Variants in SCN11A observed in about 807,000 individuals in gnomAD.
SCN11A encodes sodium channel protein type 11 subunit alpha.
SCN11A carries 122 observed loss-of-function variants against 162.2 expected under a neutral mutation model. That is an observed-to-expected ratio of 0.75 (90% CI 0.65 to 0.87). The LOEUF is 0.87. SCN11A is among the 40% of genes least tolerant of loss of function. The pLI is 0.00. For missense variants in SCN11A, 2,015 were observed against 2,181.6 expected (o/e 0.92, Z 1.52); for synonymous variants, 758 against 751.5 (o/e 1.01, Z -0.14).
At chr3:38,866,470 T>G (rs532898269) in intron 27 of SCN11A, among the ~76,000 whole-genome samples, 1 of 152,320 alleles carries the variant, frequency 6.6e-6, no homozygotes, top group African/African-American at 2.4e-5. Context: ...TTTCCCCGCC[T>G]TGGCCTCCCA....
intron 9 of SCN11A, among the ~76,000 whole-genome samples, chr3:38,924,340 T>G (rs1304466053): frequency 6.6e-6 from 1 of 151,494 alleles, no homozygotes; most frequent in Non-Finnish European, 1.5e-5. Flanking sequence ...GCTTCTCGAG[T>G]AGCTGAGATT....
At chr3:38,914,502 T>C (rs1236620090) in intron 11 of SCN11A, among the ~76,000 whole-genome samples, 8 of 152,226 alleles carry the variant, frequency 5.3e-5, no homozygotes, top group Non-Finnish European at 1.5e-5. Flanking sequence ...CTGATTGCTC[T>C]GTCCAGGACT....
At chr3:39,023,993 T>C (rs1387344514) in intron 2 of SCN11A, among the ~76,000 whole-genome samples, 2 of 152,156 alleles carry the variant, frequency 1.3e-5, no homozygotes, top group Non-Finnish European at 2.9e-5. Context: ...TCACCAGTTT[T>C]TTCTGTCTCC....
At chr3:38,872,353 A>AT in intron 23 of SCN11A, 59 bp from the exon 24 acceptor site, 1 of 896,612 alleles carries the variant, frequency 1.1e-6, no homozygotes, top group Non-Finnish European at 1.9e-6. Flanking sequence ...TGGAAAGTCC[A>AT]TTTTTCTCCT....
chr3:38,860,944 T>C (rs2064953587), intron 28 of SCN11A, among the ~76,000 whole-genome samples: 1 of 152,016 alleles, frequency 6.6e-6, no homozygotes, highest in Non-Finnish European at 1.5e-5. Flanking sequence ...AAAGAGGAAG[T>C]CAAACTATTG....
intron 18 of SCN11A, among the ~76,000 whole-genome samples, chr3:38,895,981 C>A (rs58284685): frequency 0.027 from 4,085 of 152,230 alleles, 167 homozygotes; most frequent in African/African-American, 0.091. Context: ...AGATCTTGTG[C>A]AGTAAGGCAA....
chr3:39,037,622 C>T (rs921287907), intron 1 of SCN11A, among the ~76,000 whole-genome samples: 4 of 151,860 alleles, frequency 2.6e-5, no homozygotes, highest in Non-Finnish European at 4.4e-5. Context: ...TACTATATAC[C>T]TATAAAATTA....
chr3:38,894,955 G>A lies in SCN11A; in HGVS notation c.2413C>T (p.Leu805Phe), dbSNP rs762472453. Reference protein sequence around the residue: ...TVIGKLVVLNLFIALLLNSFS... With the variant: ...TVIGKLVVLNFFIALLLNSFS... Reference sequence around the variant, plus strand: ...GAATTGAGCAGTAAGGCAATGAAGAGGTTGAGCACCTGGGAATGGGGTGGG... The same window carrying A: ...GAATTGAGCAGTAAGGCAATGAAGAAGTTGAGCACCTGGGAATGGGGTGGG... The change falls in exon 19 of 30, where the codon CTC becomes TTC. Residue 805 changes from leucine (L) to phenylalanine (F), a missense_variant. Leu to Phe is a conservative substitution (Grantham distance 22, BLOSUM62 0). Transcript: ENST00000302328. The A allele has an allele frequency of 2.6e-5, 41 of 1,601,602 alleles. No homozygotes were observed. Among genetic ancestry groups the A allele is most frequent in the Non-Finnish European group, 3.2e-5 (37 of 1,171,682 alleles).
At position 38,879,932 on chromosome 3, in the gene SCN11A, C is replaced by A; in HGVS notation, c.3393+18G>T. The A allele has an allele frequency of 6.2e-7, 1 of 1,607,486 alleles. No individual in the cohort carries two copies. Among genetic ancestry groups the A allele is most frequent in the South Asian group, 1.1e-5 (1 of 90,232 alleles). Reference sequence around the variant, plus strand: ...CCACTACCCCAGCCTGTGTGGGACACAGAGATGGTAAACTTACAATCACAA... The same window carrying A: ...CCACTACCCCAGCCTGTGTGGGACAAAGAGATGGTAAACTTACAATCACAA... On this transcript the variant is annotated intron_variant, in intron 23 of 29. Coordinates refer to ENST00000302328, the MANE Select transcript of SCN11A (RefSeq NM_001349253.2).
chr3:38,895,045 C>T (rs2065573739), intron 18 of SCN11A, 81 bp from the exon 19 acceptor site: 1 of 1,299,810 alleles, frequency 7.7e-7, no homozygotes, highest in East Asian at 2.4e-5. Flanking sequence ...CAACTTTTCC[C>T]CAAGACTAAA....
rs765456456 is a variant in SCN11A at position 38,871,423 on chromosome 3, A to G, written c.3759+22T>C. On this transcript the variant is annotated intron_variant, in intron 25 of 29. Coordinates refer to ENST00000302328, the MANE Select transcript of SCN11A (RefSeq NM_001349253.2). ...CTGAAGGTTTTTCTCCTCAGAGTGAAAAACATACTGACTGTACTTACCACT... is the reference window on the plus strand; with the variant it reads ...CTGAAGGTTTTTCTCCTCAGAGTGAGAAACATACTGACTGTACTTACCACT... 2.6e-6 allele frequency: 4 copies of G among 1,555,920 alleles called. No individual in the cohort carries two copies. The Admixed American group carries it at 8.2e-5, about 32-fold the overall frequency.
chr3:39,026,548 C>T (rs188146234), intron 2 of SCN11A, among the ~76,000 whole-genome samples: 13 of 151,294 alleles, frequency 8.6e-5, no homozygotes, highest in Non-Finnish European at 1.0e-4. Context: ...CAGGGCCAGA[C>T]AGAAGTTAAA....
At chr3:38,986,070 G>A (rs2030230192) in intron 2 of SCN11A, among the ~76,000 whole-genome samples, 1 of 151,108 alleles carries the variant, frequency 6.6e-6, no homozygotes, top group Admixed American at 6.6e-5. Context: ...TAAGGCAAAA[G>A]CCACAATGTC....
intron 5 of SCN11A, among the ~76,000 whole-genome samples, 199 bp from the exon 6 acceptor site, chr3:38,947,106 G>A (rs564525063): frequency 7.6e-4 from 116 of 152,278 alleles, no homozygotes; most frequent in Middle Eastern, 6.8e-3. Flanking sequence ...CCAAAATTAG[G>A]AGTATAGAGG....
intron 28 of SCN11A, among the ~76,000 whole-genome samples, chr3:38,854,769 A>C (rs970901325): frequency 1.3e-5 from 2 of 152,232 alleles, no homozygotes; most frequent in Admixed American, 1.3e-4. Context: ...CCTTACCTAG[A>C]GCTGAAATGA....
chr3:38,880,210 A>G, intron 22 of SCN11A, 87 bp from the exon 23 acceptor site: 4 of 954,456 alleles, frequency 4.2e-6, no homozygotes, highest in Non-Finnish European at 3.1e-6. Context: ...TCTTCCTTAT[A>G]TGAATAAAAA....
chr3:38,982,058 GACAA>G (rs1412986316), intron 2 of SCN11A, among the ~76,000 whole-genome samples: 1 of 151,620 alleles, frequency 6.6e-6, no homozygotes, highest in African/African-American at 2.4e-5. Flanking sequence ...AACAAAAACA[GACAA>G]ACAAAACCAC....
At chr3:38,884,671 A>G (rs571285702) in intron 21 of SCN11A, among the ~76,000 whole-genome samples, 32 of 152,210 alleles carry the variant, frequency 2.1e-4, no homozygotes, top group Non-Finnish European at 3.4e-4. Context: ...CCTATAGGAA[A>G]AAGCCACTAT....
intron 2 of SCN11A, among the ~76,000 whole-genome samples, chr3:39,003,486 G>A (rs1395941056): frequency 1.3e-5 from 2 of 152,182 alleles, no homozygotes; most frequent in African/African-American, 4.8e-5. Context: ...GTGCTGCAAT[G>A]AACATCTGCA....
Sources: allele counts gnomAD v4.1 joint callset (sites outside exome capture counted in the v4.1 genomes callset), GRCh38; gene constraint gnomAD v4.1.1; transcripts MANE v1.5; gene names NCBI Gene and HGNC (gene_info 2026-07-23, HGNC 2026-07-21).